PCNX2: variants seen among roughly 807,000 people sequenced by gnomAD.
The protein encoded by PCNX2 is pecanex 2.
Under a neutral mutation model 223.8 loss-of-function variants are expected in PCNX2, and 168 were observed. The ratio of observed to expected loss-of-function variants is 0.75; its 90% CI spans 0.66 to 0.85. PCNX2 has a LOEUF of 0.85. PCNX2 is among the 40% of genes least tolerant of loss of function. The pLI is 0.00. For missense variants in PCNX2, 2,507 were observed against 2,675.5 expected (o/e 0.94, Z 1.39); for synonymous variants, 1,006 against 1,052.6 (o/e 0.96, Z 0.86).
chr1:233,293,929 C>T (rs1661920659), intron 1 of PCNX2: 3 of 979,256 alleles, frequency 3.1e-6, no homozygotes, highest in South Asian at 4.7e-5. Flanking sequence ...CACTGGGGCC[C>T]ATAGGCTAAG....
At chr1:233,190,286 T>C (rs1572046862) in intron 15 of PCNX2, among the ~76,000 whole-genome samples, 1 of 152,064 alleles carries the variant, frequency 6.6e-6, no homozygotes. Flanking sequence ...AAACAAGAAG[T>C]AGAATCACGG....
At position 233,000,290 on chromosome 1, in the gene PCNX2, G is replaced by A; in HGVS notation, c.5328+15C>T. On this transcript the variant is annotated intron_variant, in intron 30 of 33. Coordinates refer to ENST00000258229, the MANE Select transcript of PCNX2 (RefSeq NM_014801.4). This position sits in a 1 kb window ranked among gnomAD's most constrained non-coding sequence, Gnocchi z 4.6. ...CACGAGCCAACAGGGGACCCAGAAA[G>A]TGTGGCCGCCATACCTTGATCACCT... The A allele has an allele frequency of 6.2e-7, 1 of 1,612,522 alleles. No individual in the cohort carries two copies. The highest frequency in any genetic ancestry group is 8.5e-7 in the Non-Finnish European group (1 of 1,178,672).
chr1:233,172,678 G>A (rs1217651493), intron 17 of PCNX2, among the ~76,000 whole-genome samples: 2 of 152,184 alleles, frequency 1.3e-5, no homozygotes, highest in African/African-American at 4.8e-5. Context: ...AAATGCTCTT[G>A]GGGCAAAAGC....
chr1:233,157,905 T>C (rs1283274266), intron 19 of PCNX2, among the ~76,000 whole-genome samples: 1 of 152,118 alleles, frequency 6.6e-6, no homozygotes, highest in Admixed American at 6.5e-5. Context: ...ATAGCTAGTG[T>C]AGGTAGGTGA....
chr1:233,302,194 C>T, the PCNX2 span, among the ~76,000 whole-genome samples: 1 of 152,106 alleles, frequency 6.6e-6, no homozygotes, highest in Non-Finnish European at 1.5e-5. Context: ...TCAGATGAAG[C>T]ATTGAGATAA....
chr1:233,103,618 T>C (rs1239951812), intron 21 of PCNX2, among the ~76,000 whole-genome samples: 3 of 152,168 alleles, frequency 2.0e-5, no homozygotes, highest in Non-Finnish European at 4.4e-5. Context: ...GATAGAATTC[T>C]TTTTTATGGC....
intron 25 of PCNX2, among the ~76,000 whole-genome samples, chr1:233,045,942 A>G (rs1024175507): frequency 3.9e-5 from 6 of 152,242 alleles, no homozygotes; most frequent in Admixed American, 3.3e-4. Context: ...TAGCCTTCTC[A>G]GAAGTCTGTG....
chr1:233,082,990 C>T (rs1673426683), intron 23 of PCNX2, among the ~76,000 whole-genome samples: 1 of 152,138 alleles, frequency 6.6e-6, no homozygotes, highest in Non-Finnish European at 1.5e-5. Flanking sequence ...AGAGCGGAAA[C>T]GTAAACTTCC....
chr1:233,031,028 T>A (rs906339697), intron 25 of PCNX2, among the ~76,000 whole-genome samples: 3 of 152,212 alleles, frequency 2.0e-5, no homozygotes, highest in African/African-American at 7.2e-5. Flanking sequence ...TCCACCTTCC[T>A]ATACTGTAAA....
chr1:233,121,358 C>T (rs1317595386), intron 21 of PCNX2, among the ~76,000 whole-genome samples: 1 of 152,004 alleles, frequency 6.6e-6, no homozygotes, highest in East Asian at 1.9e-4. Context: ...GGCAAAACAA[C>T]AACAGTAAAC....
chr1:233,247,535 G>C (rs1659194357), intron 8 of PCNX2, among the ~76,000 whole-genome samples: 1 of 152,028 alleles, frequency 6.6e-6, no homozygotes, highest in African/African-American at 2.4e-5. Context: ...TGTTGCCCAG[G>C]CTGGTCTCAA....
At chr1:233,228,790 G>A (rs1053895544) in intron 9 of PCNX2, among the ~76,000 whole-genome samples, 5 of 152,120 alleles carry the variant, frequency 3.3e-5, no homozygotes, top group Non-Finnish European at 5.9e-5. Flanking sequence ...ATATCTCTTC[G>A]AGCTCCTGCT....
intron 7 of PCNX2, 33 bp downstream of exon 7, chr1:233,252,321 C>G (rs893926512): frequency 6.3e-7 from 1 of 1,576,858 alleles, no homozygotes; most frequent in East Asian, 2.3e-5. Flanking sequence ...GTTTTCCCTG[C>G]TTGTTCATTA....
At chr1:233,295,952 T>C (rs544494541), upstream of PCNX2, among the ~76,000 whole-genome samples, 137 of 145,028 alleles carry the variant, frequency 9.4e-4, no homozygotes, top group African/African-American at 3.2e-3. The surrounding 1 kb of genome is among the most constrained non-coding windows in gnomAD (Gnocchi z 4.1). Flanking sequence ...CTTCCTTCCT[T>C]TCTCTCTCTC....
rs762074127 is a variant in PCNX2 at position 233,025,151 on chromosome 1, T to C, written c.4600A>G (p.Ile1534Val). The change falls in exon 26 of 34, where the codon ATC becomes GTC. Residue 1534 changes from isoleucine to valine, a missense_variant. Around this residue, in one of 3 missense-constraint regions of PCNX2, gnomAD observed 1,372 missense variants for 1,509.4 expected, o/e 0.91. Coordinates refer to ENST00000258229, the MANE Select transcript of PCNX2 (RefSeq NM_014801.4). ...DLRRILIRYY[I>V]KSIIYYMVTS... ...TTTGGGAAACAGAGCAATACCTTGA[T>C]GTAGTAGCGGATGAGGATCCTTCGG... The C allele has an allele frequency of 8.1e-6, 13 of 1,613,826 alleles. No individual in the cohort carries two copies. The highest frequency in any genetic ancestry group is 1.3e-5 in the African/African-American group (1 of 74,934).
intron 1 of PCNX2, among the ~76,000 whole-genome samples, chr1:233,269,403 A>G (rs1388902298): frequency 6.6e-6 from 1 of 152,242 alleles, no homozygotes; most frequent in African/African-American, 2.4e-5. Flanking sequence ...AATAAATGAC[A>G]GCTGAAGTCT....
Position 232,989,527 on chromosome 1 carries a change from C to T in PCNX2, c.5792-2987G>A, listed in dbSNP as rs185019614. On this transcript the variant is annotated intron_variant, in intron 32 of 33. Transcript: ENST00000258229. ...TCATGCCCTTCCCAGAGAGGCAGGT[C>T]CTCCACTCTGAGAGGCCCCCAACCA... 6.1e-4 allele frequency among the ~76,000 whole-genome samples: 93 copies of T among 152,226 alleles called. 1 individual carries two copies. The East Asian group carries it at 0.012, about 20-fold the overall frequency.
chr1:233,211,411 G>A (rs1416638088), intron 12 of PCNX2, among the ~76,000 whole-genome samples: 1 of 151,462 alleles, frequency 6.6e-6, no homozygotes, highest in Non-Finnish European at 1.5e-5. Flanking sequence ...GCTCACTGCT[G>A]CCTCCCTCTC....
chr1:233,160,150 A>G (rs1678377292), intron 19 of PCNX2, 133 bp downstream of exon 19: 1 of 950,432 alleles, frequency 1.1e-6, no homozygotes, highest in Admixed American at 2.7e-5. Flanking sequence ...AATACACATA[A>G]TGTACCATCT....
Sources: gnomAD v4.1 joint callset for allele counts (sites outside exome capture counted in the v4.1 genomes callset) on GRCh38, gnomAD v4.1.1 for gene constraint, gnomAD v4.1.1 regional missense constraint, Gnocchi (gnomAD v3.1) non-coding constraint, MANE v1.5 for transcripts, NCBI Gene and HGNC (gene_info 2026-07-23, HGNC 2026-07-21) for gene names.